UNC13C: variants seen among roughly 807,000 people sequenced by gnomAD.
UNC13C encodes unc-13 homolog C, also known as protein unc-13 homolog C.
Under a neutral mutation model 245.4 loss-of-function variants are expected in UNC13C, and 174 were observed. The observed-to-expected ratio is 0.71, with a 90% CI of 0.63 to 0.80. UNC13C has a LOEUF of 0.80. UNC13C is among the 30% of genes least tolerant of loss of function. The pLI, the probability that UNC13C is intolerant of heterozygous loss-of-function variation, is 0.00. For synonymous variants in UNC13C, 992 were observed against 895.1 expected, an observed-to-expected ratio of 1.11 and a Z score of -1.93; for missense variants, 2,829 against 2,602.9, an observed-to-expected ratio of 1.09 and a Z score of -1.89.
chr15:54,418,813 G>A (rs192572906), intron 19 of UNC13C, among the ~76,000 whole-genome samples: 1 of 152,208 alleles, frequency 6.6e-6, no homozygotes, highest in African/African-American at 2.4e-5. Context: ...AAATTTAGGA[G>A]ATTCTTGCCT....
chr15:54,106,157 C>A (rs1264785374), intron 2 of UNC13C, among the ~76,000 whole-genome samples: 1 of 152,086 alleles, frequency 6.6e-6, no homozygotes, highest in African/African-American at 2.4e-5. Flanking sequence ...TAAAGTAATT[C>A]ATATTCAGAA....
chr15:53,948,784 G>T, the UNC13C span, among the ~76,000 whole-genome samples: 2 of 151,844 alleles, frequency 1.3e-5, no homozygotes, highest in African/African-American at 2.4e-5. Flanking sequence ...TCAAGCAGAG[G>T]AAAAGGGGAC....
At chr15:54,120,359 C>A (rs1199448069) in intron 2 of UNC13C, among the ~76,000 whole-genome samples, 5 of 152,128 alleles carry the variant, frequency 3.3e-5, no homozygotes, top group Non-Finnish European at 7.4e-5. Flanking sequence ...AGCCACAAAC[C>A]TGGATGATAG....
chr15:54,125,022 C>G (rs2030941168), intron 2 of UNC13C, among the ~76,000 whole-genome samples: 2 of 152,180 alleles, frequency 1.3e-5, no homozygotes, highest in Admixed American at 6.5e-5. Flanking sequence ...CAGTACAACA[C>G]AGTCTTGGTT....
chr15:54,013,079 T>C lies in UNC13C; in HGVS notation c.176T>C (p.Phe59Ser), dbSNP rs867089541. Residue 59 changes from phenylalanine (F) to serine (S), a missense_variant, in exon 2 of 33, where the codon TTT becomes TCT. Physicochemically the swap from Phe to Ser is radical, Grantham distance 155. Coordinates refer to ENST00000260323, the MANE Select transcript of UNC13C (RefSeq NM_001080534.3). The part of the protein sequence containing the change: ...QTKSPKFSYT[F>S]KSTVKKIAKC... ...AAATCCCCCAAATTTTCTTACACTTTTAAAAGCACTGTAAAGAAGATTGCA... is the reference window on the plus strand; with the variant it reads ...AAATCCCCCAAATTTTCTTACACTTCTAAAAGCACTGTAAAGAAGATTGCA... The C allele has an allele frequency of 6.2e-6, 10 of 1,613,770 alleles. No individual in the cohort carries two copies. In the African/African-American group the frequency reaches 1.2e-4, roughly 19 times the overall value.
At chr15:54,417,598 C>T (rs1490073671) in intron 19 of UNC13C, among the ~76,000 whole-genome samples, 2 of 152,042 alleles carry the variant, frequency 1.3e-5, no homozygotes, top group African/African-American at 4.8e-5. Flanking sequence ...AACTATGATT[C>T]AGCATACTTC....
At chr15:54,210,314 A>G (rs1340934737) in intron 4 of UNC13C, among the ~76,000 whole-genome samples, 3 of 151,134 alleles carry the variant, frequency 2.0e-5, no homozygotes, top group Non-Finnish European at 4.4e-5. Flanking sequence ...TTTCTATATT[A>G]GCTCTCTAAA....
At chr15:54,390,896 G>C (rs1326953860) in intron 17 of UNC13C, among the ~76,000 whole-genome samples, 1 of 144,910 alleles carries the variant, frequency 6.9e-6, no homozygotes, top group African/African-American at 2.5e-5. Context: ...GGGAAAGCCT[G>C]GTTTATGATA....
chr15:54,403,869 T>C (rs530374915), intron 18 of UNC13C, among the ~76,000 whole-genome samples: 1 of 152,256 alleles, frequency 6.6e-6, no homozygotes, highest in East Asian at 1.9e-4. Context: ...TGGCTTCAAA[T>C]GGCACTTATG....
In UNC13C at chr15:54,233,473, C is replaced by T. The variant is rs76387189; in HGVS notation, c.3072-1557C>T. Among the ~76,000 whole-genome samples, 504 of 152,328 alleles carry T rather than the reference C, an allele frequency of 3.3e-3. 19 individuals are homozygous for T. In the East Asian group the frequency reaches 0.064, roughly 19 times the overall value. On this transcript the variant is annotated intron_variant, in intron 4 of 32. Transcript: ENST00000260323. ...CAATGGTTTTAATATTTCACGCTCA[C>T]TGCATTTGATCCTCACTTCCAAATA...
chr15:54,016,129 C>G (rs117678159), intron 2 of UNC13C, among the ~76,000 whole-genome samples: 2 of 152,274 alleles, frequency 1.3e-5, no homozygotes, highest in African/African-American at 4.8e-5. Flanking sequence ...TAACCCAACA[C>G]ATTGTGGATC....
chr15:54,115,483 C>G (rs1423336168), intron 2 of UNC13C, among the ~76,000 whole-genome samples: 1 of 151,822 alleles, frequency 6.6e-6, no homozygotes, highest in East Asian at 1.9e-4. Context: ...TTCACAGGTA[C>G]CATTTTATTT....
At chr15:53,960,559 T>C in the UNC13C span, among the ~76,000 whole-genome samples, 3 of 151,030 alleles carry the variant, frequency 2.0e-5, no homozygotes, top group Admixed American at 1.3e-4. Context: ...ATAAAACTTA[T>C]TATTTGGAAT....
chr15:54,132,742 G>A (rs1424616515), intron 2 of UNC13C, among the ~76,000 whole-genome samples: 4 of 152,098 alleles, frequency 2.6e-5, no homozygotes, highest in Admixed American at 6.5e-5. Flanking sequence ...TATCAAAGTC[G>A]TATCTCTTTT....
At chr15:54,613,625 G>A (rs1338227306) in intron 30 of UNC13C, among the ~76,000 whole-genome samples, 1 of 151,868 alleles carries the variant, frequency 6.6e-6, no homozygotes, top group Non-Finnish European at 1.5e-5. Context: ...AAGAGACCAG[G>A]GAGGAGAACT....
At chr15:53,975,759 T>C (rs2140938722), upstream of UNC13C, among the ~76,000 whole-genome samples, 1 of 152,326 alleles carries the variant, frequency 6.6e-6, no homozygotes, top group African/African-American at 2.4e-5. Context: ...AGCTTATGTC[T>C]TGGGGTATGA....
At chr15:53,960,533 A>G in the UNC13C span, among the ~76,000 whole-genome samples, 1 of 152,166 alleles carries the variant, frequency 6.6e-6, no homozygotes, top group African/African-American at 2.4e-5. Flanking sequence ...GAATGTACAT[A>G]TGAATTATGA....
intron 18 of UNC13C, among the ~76,000 whole-genome samples, chr15:54,393,408 C>T (rs1473347645): frequency 6.6e-6 from 1 of 151,646 alleles, no homozygotes; most frequent in Non-Finnish European, 1.5e-5. Context: ...AAAATATTTT[C>T]CAAGATTTGA....
chr15:54,127,793 A>G (rs34668288), intron 2 of UNC13C, among the ~76,000 whole-genome samples: 55,563 of 141,894 alleles, frequency 0.39, 10,860 homozygotes, highest in African/African-American at 0.43. Flanking sequence ...TTAATATAAT[A>G]TATAATATTT....
Sources: allele counts gnomAD v4.1 joint callset (sites outside exome capture counted in the v4.1 genomes callset), GRCh38; gene constraint gnomAD v4.1.1; transcripts MANE v1.5; gene names NCBI Gene and HGNC (gene_info 2026-07-23, HGNC 2026-07-21).